The following C4orf36 variants were observed in gnomAD, a reference collection of about 807,000 sequenced individuals.
C4orf36 encodes the protein uncharacterized protein C4orf36.
In C4orf36, 11 loss-of-function variants were observed where a neutral mutation model predicts 12.2. The ratio of observed to expected loss-of-function variants is 0.90; its 90% confidence interval spans 0.57 to 1.49. The LOEUF is 1.49. C4orf36 is among the 40% of genes most tolerant of loss of function. The probability of loss-of-function intolerance (pLI) is 0.00; values close to 1 mark genes in which losing one functional copy is unlikely to be tolerated. For missense variants in C4orf36, 137 were observed against 133.9 expected, an observed-to-expected ratio of 1.02 and a Z score of -0.11; for synonymous variants, 54 against 51.3, an observed-to-expected ratio of 1.05 and a Z score of -0.22.
At chr4:86,925,209 C>G in the C4orf36 span, 10 of 152,132 alleles carry the variant, frequency 6.6e-5, no homozygotes, top group African/African-American at 2.4e-4. Context: ...TATATCCAAA[C>G]TGTATCAATT....
chr4:86,931,765 G>T, the C4orf36 span, among the ~76,000 whole-genome samples: 1 of 152,198 alleles, frequency 6.6e-6, no homozygotes. Flanking sequence ...GCCAGGTGTG[G>T]TGGCTCACGC....
the C4orf36 span, chr4:86,914,771 A>G: frequency 2.3e-6 from 1 of 444,030 alleles, no homozygotes; most frequent in Non-Finnish European, 4.4e-6. Flanking sequence ...TCCCTGTTCC[A>G]GGCACGATAG....
chr4:86,903,903 C>G, the C4orf36 span, among the ~76,000 whole-genome samples: 1 of 152,156 alleles, frequency 6.6e-6, no homozygotes, highest in Non-Finnish European at 1.5e-5. Context: ...TCCCCACTGA[C>G]TAGCTAGACA....
At chr4:86,886,041 G>C (rs11097124) in intron 4 of C4orf36, among the ~76,000 whole-genome samples, 24,285 of 152,044 alleles carry the variant, frequency 0.16, 2,164 homozygotes, top group East Asian at 0.32. Flanking sequence ...GCATCCCAGG[G>C]ATGAAGCCCA....
At chr4:86,930,251 T>C in the C4orf36 span, among the ~76,000 whole-genome samples, 2 of 152,384 alleles carry the variant, frequency 1.3e-5, no homozygotes, top group African/African-American at 4.8e-5. Flanking sequence ...CAGATATAAC[T>C]GTCAGCATGA....
chr4:86,901,173 T>C, the C4orf36 span, among the ~76,000 whole-genome samples: 139,516 of 151,882 alleles, frequency 0.92, 64,929 homozygotes, highest in Non-Finnish European at 0.99. Flanking sequence ...TTAGTACAGA[T>C]GGGGTTTCAC....
the C4orf36 span, among the ~76,000 whole-genome samples, chr4:86,917,328 GAT>G: frequency 1.4e-5 from 1 of 71,434 alleles, no homozygotes; most frequent in Non-Finnish European, 3.6e-5. Flanking sequence ...GAGAGAGAGA[GAT>G]GAAGGAAGGA....
chr4:86,911,227 C>T, the C4orf36 span, among the ~76,000 whole-genome samples: 1 of 152,290 alleles, frequency 6.6e-6, no homozygotes, highest in African/African-American at 2.4e-5. Context: ...TGGATGTAAG[C>T]ACTGTCCGGG....
the C4orf36 span, among the ~76,000 whole-genome samples, chr4:86,915,169 G>A: frequency 6.6e-6 from 1 of 152,032 alleles, no homozygotes; most frequent in African/African-American, 2.4e-5. Context: ...CATGCCATTT[G>A]TGCTCTTGTG....
upstream of C4orf36, among the ~76,000 whole-genome samples, chr4:86,893,035 A>C (rs1213014678): frequency 6.6e-6 from 1 of 152,202 alleles, no homozygotes; most frequent in Admixed American, 6.5e-5. Context: ...CAATTTCTTC[A>C]TCTATAAAAC....
At chr4:86,882,565 CACT>C (rs982735435) in intron 4 of C4orf36, among the ~76,000 whole-genome samples, 6 of 152,258 alleles carry the variant, frequency 3.9e-5, no homozygotes, top group South Asian at 2.1e-4. Flanking sequence ...CATCCCACAC[CACT>C]ACAACTCTGA....
intron 2 of C4orf36, among the ~76,000 whole-genome samples, chr4:86,888,997 A>T (rs1172469025): frequency 6.6e-6 from 1 of 152,206 alleles, no homozygotes; most frequent in Non-Finnish European, 1.5e-5. Flanking sequence ...ACAAGTCATA[A>T]AAATGTATAA....
the C4orf36 span, chr4:86,913,527 C>T: frequency 1.1e-6 from 1 of 870,944 alleles, no homozygotes; most frequent in Admixed American, 1.8e-5. Flanking sequence ...GAAGGTCAGG[C>T]AGCCTCGGTC....
the C4orf36 span, among the ~76,000 whole-genome samples, chr4:86,898,717 G>T: frequency 2.6e-5 from 4 of 151,880 alleles, no homozygotes; most frequent in African/African-American, 9.7e-5. Flanking sequence ...ACTGAGGCGA[G>T]AGAATTGTTT....
At chr4:86,923,170 CA>C in the C4orf36 span, among the ~76,000 whole-genome samples, 1 of 151,506 alleles carries the variant, frequency 6.6e-6, no homozygotes, top group African/African-American at 2.4e-5. Context: ...TGATTCACTG[CA>C]GCCTCAACCT....
At chr4:86,916,739 T>A in the C4orf36 span, among the ~76,000 whole-genome samples, 3 of 152,236 alleles carry the variant, frequency 2.0e-5, no homozygotes, top group Non-Finnish European at 4.4e-5. Flanking sequence ...CACAGACTCA[T>A]AGAATACCTT....
chr4:86,878,557 G>C (rs1275316893), intron 4 of C4orf36, among the ~76,000 whole-genome samples: 2 of 152,178 alleles, frequency 1.3e-5, no homozygotes, highest in African/African-American at 4.8e-5. Flanking sequence ...GCATTGAAAT[G>C]GGTAGGAAAA....
chr4:86,880,490 G>GTAA (rs1276924351), intron 4 of C4orf36, among the ~76,000 whole-genome samples: 1 of 152,110 alleles, frequency 6.6e-6, no homozygotes, highest in Admixed American at 6.5e-5. Context: ...AGGGAGTGAG[G>GTAA]TAATATATTT....
the C4orf36 span, chr4:86,925,497 A>C: frequency 6.6e-6 from 1 of 152,152 alleles, no homozygotes; most frequent in African/African-American, 2.4e-5. Context: ...GATTATAGGC[A>C]TGAGCCACCA....
Sources: allele counts gnomAD v4.1 joint callset (sites outside exome capture counted in the v4.1 genomes callset), GRCh38; gene constraint gnomAD v4.1.1; transcripts MANE v1.5; gene names NCBI Gene and HGNC (gene_info 2026-07-23, HGNC 2026-07-21).